The following NALF1 variants were observed in gnomAD, a reference collection of about 807,000 sequenced individuals.
NALF1 encodes family with sequence similarity 155 member A.
NALF1 carries 3 observed loss-of-function variants against 48.4 expected under a neutral mutation model. The observed-to-expected ratio is 0.06, with a 90% CI of 0.03 to 0.16. The LOEUF (loss-of-function observed/expected upper bound fraction) is 0.16, where lower values mean the gene tolerates loss of function less well. Among genes scored for constraint, NALF1 ranks in the 10% least tolerant of loss-of-function variants. The pLI is 1.00. For synonymous variants in NALF1, 262 were observed against 245.7 expected (o/e 1.07, Z -0.62); for missense variants, 526 against 571.5 (o/e 0.92, Z 0.81).
intron 1 of NALF1, among the ~76,000 whole-genome samples, chr13:107,462,358 C>A (rs912429021): frequency 1.3e-5 from 2 of 152,130 alleles, no homozygotes; most frequent in Non-Finnish European, 2.9e-5. Context: ...TAATTATCAA[C>A]TAACATACAA....
chr13:107,526,144 C>T (rs1876429361), intron 1 of NALF1, among the ~76,000 whole-genome samples: 1 of 151,782 alleles, frequency 6.6e-6, no homozygotes, highest in South Asian at 2.1e-4. Flanking sequence ...CTTTTTTTAC[C>T]ATCTCAATTT....
chr13:107,691,890 C>T (rs1339549682), intron 1 of NALF1, among the ~76,000 whole-genome samples: 8 of 152,170 alleles, frequency 5.3e-5, no homozygotes, highest in African/African-American at 1.9e-4. Flanking sequence ...TAAGCCACAA[C>T]ACTAAACTCT....
intron 1 of NALF1, among the ~76,000 whole-genome samples, chr13:107,682,721 C>A (rs975388797): frequency 2.6e-5 from 4 of 152,052 alleles, no homozygotes; most frequent in East Asian, 1.9e-4. Context: ...AGCCAGCCGA[C>A]CTTTGCCTTG....
In NALF1 at chr13:107,786,980, C is replaced by T. The variant is rs572185451; in HGVS notation, c.915+78702G>A. On this transcript the variant is annotated intron_variant, in intron 1 of 2. Coordinates refer to ENST00000375915, the MANE Select transcript of NALF1 (RefSeq NM_001080396.3). ...TATCTTCATTTCTGAAGTAAGAGCA[C>T]TGAAGTTCAGAGAGATTCATACCCT... 5.9e-5 allele frequency among the ~76,000 whole-genome samples: 9 copies of T among 152,318 alleles called. No homozygotes were observed. In the South Asian group the frequency reaches 1.9e-3, roughly 32 times the overall value.
chr13:107,247,436 G>A (rs1266603125), intron 1 of NALF1, among the ~76,000 whole-genome samples: 2 of 152,186 alleles, frequency 1.3e-5, no homozygotes, highest in Non-Finnish European at 2.9e-5. Context: ...TTGTATATAT[G>A]ACCAAAGCGC....
intron 1 of NALF1, among the ~76,000 whole-genome samples, chr13:107,212,990 C>T (rs1374070041): frequency 2.6e-5 from 4 of 151,964 alleles, no homozygotes; most frequent in Admixed American, 1.3e-4. Context: ...GCCTTTCCAC[C>T]GTTATTCCAG....
At chr13:107,738,576 T>C (rs1876532168) in intron 1 of NALF1, among the ~76,000 whole-genome samples, 1 of 152,208 alleles carries the variant, frequency 6.6e-6, no homozygotes, top group Non-Finnish European at 1.5e-5. Context: ...AAGTAGATTA[T>C]TAAAAACTTT....
chr13:107,432,410 G>A (rs1884397615), intron 1 of NALF1, among the ~76,000 whole-genome samples: 1 of 152,138 alleles, frequency 6.6e-6, no homozygotes, highest in African/African-American at 2.4e-5. Flanking sequence ...CTAGATCAGT[G>A]CCTCTCAACC....
Position 107,521,091 on chromosome 13 carries a change from C to A in NALF1, c.916-310336G>T, listed in dbSNP as rs368334793. 2.9e-4 allele frequency among the ~76,000 whole-genome samples: 44 copies of A among 152,280 alleles called. No individual in the cohort carries two copies. The East Asian group carries it at 8.1e-3, about 28-fold the overall frequency. ...TTTATAAGAAGTGATTTTGCATTCA[C>A]ACAGCATGACTAGAAGGCCCCAAAC... is the stretch of plus-strand genomic sequence containing the variant. On this transcript the variant is annotated intron_variant, in intron 1 of 2. Transcript: ENST00000375915.
intron 1 of NALF1, among the ~76,000 whole-genome samples, chr13:107,327,677 G>A (rs1882389834): frequency 6.6e-6 from 1 of 152,092 alleles, no homozygotes; most frequent in African/African-American, 2.4e-5. Flanking sequence ...ATCTTACTGA[G>A]TGATCATTTC....
At chr13:107,585,098 A>G (rs889808392) in intron 1 of NALF1, among the ~76,000 whole-genome samples, 13 of 152,200 alleles carry the variant, frequency 8.5e-5, no homozygotes, top group African/African-American at 3.1e-4. Context: ...TTAAGATATC[A>G]ATCTCCTTTG....
rs576648632 is a variant in NALF1, at chr13:107,587,653, T to A, written c.915+278029A>T. Among the ~76,000 whole-genome samples the A allele has an allele frequency of 1.6e-3, 239 of 152,266 alleles. 1 individual carries two copies. The highest frequency in any genetic ancestry group is 5.4e-3 in the African/African-American group (224 of 41,572). ...GGAAAAAGGGATTACCAGGTGATTT[T>A]AAAAAAAGTCAATAACATGGGCAGT... On this transcript the variant is annotated intron_variant, in intron 1 of 2. Transcript: ENST00000375915.
At chr13:107,636,940 CAAT>C (rs1879993570) in intron 1 of NALF1, among the ~76,000 whole-genome samples, 1 of 150,238 alleles carries the variant, frequency 6.7e-6, no homozygotes, top group African/African-American at 2.4e-5. Context: ...ACATTTTAGT[CAAT>C]AATGAGCCAC....
intron 1 of NALF1, among the ~76,000 whole-genome samples, chr13:107,261,019 C>A (rs1880918261): frequency 6.6e-6 from 1 of 152,202 alleles, no homozygotes. Context: ...GTTCCTGAAT[C>A]ACTTCTTAGG....
At chr13:107,246,350 A>C (rs766893165) in intron 1 of NALF1, among the ~76,000 whole-genome samples, 1 of 152,180 alleles carries the variant, frequency 6.6e-6, no homozygotes, top group Non-Finnish European at 1.5e-5. Flanking sequence ...TATATTTAAC[A>C]ATCTTTTTTC....
intron 1 of NALF1, among the ~76,000 whole-genome samples, chr13:107,252,529 G>A (rs2138845793): frequency 6.6e-6 from 1 of 152,098 alleles, no homozygotes; most frequent in East Asian, 1.9e-4. Context: ...GAAGGAGACA[G>A]AAGACAGAGA....
intron 1 of NALF1, among the ~76,000 whole-genome samples, chr13:107,259,723 G>C (rs1011274966): frequency 6.6e-6 from 1 of 152,194 alleles, no homozygotes; most frequent in African/African-American, 2.4e-5. Context: ...GGCATATATA[G>C]TTATCTGAAC....
chr13:107,518,111 T>A (rs1429247961), intron 1 of NALF1, among the ~76,000 whole-genome samples: 1 of 152,130 alleles, frequency 6.6e-6, no homozygotes, highest in African/African-American at 2.4e-5. Context: ...AGAGATAAAA[T>A]GATATAGTCA....
At chr13:107,801,522 A>G (rs1486240486) in intron 1 of NALF1, among the ~76,000 whole-genome samples, 1 of 152,206 alleles carries the variant, frequency 6.6e-6, no homozygotes, top group Non-Finnish European at 1.5e-5. Flanking sequence ...GGCAATAATA[A>G]TAAGACAGAT....
Sources: allele counts gnomAD v4.1 joint callset (sites outside exome capture counted in the v4.1 genomes callset), GRCh38; gene constraint gnomAD v4.1.1; transcripts MANE v1.5; gene names NCBI Gene and HGNC (gene_info 2026-07-23, HGNC 2026-07-21).